Variants in SHISA9 observed in about 807,000 individuals in gnomAD.
The protein encoded by SHISA9 is protein shisa-9.
Under a neutral mutation model 38.0 loss-of-function variants are expected in SHISA9, and 13 were observed. That is an observed-to-expected ratio of 0.34 (90% CI 0.22 to 0.54). The LOEUF is 0.54. Ranked by LOEUF, SHISA9 falls within the 20% of genes least tolerant of loss-of-function variation. The pLI is 0.91. For synonymous variants in SHISA9, 275 were observed against 242.0 expected, an observed-to-expected ratio of 1.14 and a Z score of -1.27; for missense variants, 538 against 575.8, an observed-to-expected ratio of 0.93 and a Z score of 0.67.
intron 2 of SHISA9, among the ~76,000 whole-genome samples, chr16:13,072,635 C>A (rs1038690566): frequency 2.6e-5 from 4 of 152,040 alleles, no homozygotes; most frequent in Non-Finnish European, 4.4e-5. Flanking sequence ...AGTCTTATTT[C>A]CATTTTATTT....
the SHISA9 span, among the ~76,000 whole-genome samples, chr16:13,419,342 G>C: frequency 1.3e-5 from 2 of 152,204 alleles, no homozygotes; most frequent in African/African-American, 4.8e-5. Context: ...TTTGATCTGT[G>C]CTTTGGAAGG....
chr16:13,079,907 G>A (rs2073627738), intron 2 of SHISA9, among the ~76,000 whole-genome samples: 1 of 152,116 alleles, frequency 6.6e-6, no homozygotes, highest in African/African-American at 2.4e-5. Context: ...CCTTCTTGTG[G>A]TGTTAACACT....
chr16:13,233,478 G>C (rs2051351761), intron 4 of SHISA9, among the ~76,000 whole-genome samples: 1 of 152,172 alleles, frequency 6.6e-6, no homozygotes, highest in African/African-American at 2.4e-5. Context: ...CCAAATCAAA[G>C]GTCAGCAAAC....
chr16:12,916,678 C>A lies in SHISA9; in HGVS notation c.564-10C>A. The A allele has an allele frequency of 6.5e-7, 1 of 1,547,464 alleles. No homozygotes were observed. The highest frequency in any genetic ancestry group is 8.7e-7 in the Non-Finnish European group (1 of 1,145,640). ...TTGAATGAACAGATTTAAATTCTTT[C>A]TTCTTTCAGGGCCCTTGCGGATGTC... On this transcript the variant is annotated splice_polypyrimidine_tract_variant and intron_variant, in intron 1 of 4. Coordinates refer to ENST00000558583, the MANE Select transcript of SHISA9 (RefSeq NM_001145204.3).
the SHISA9 span, among the ~76,000 whole-genome samples, chr16:13,493,280 T>C: frequency 4.6e-5 from 7 of 152,274 alleles, no homozygotes; most frequent in South Asian, 1.2e-3. Flanking sequence ...CACAAAGCTA[T>C]TACAGATTTC....
At chr16:13,019,960 CCTCCTTCTTTCCTTCCT>C (rs2072828844) in intron 2 of SHISA9, among the ~76,000 whole-genome samples, 3 of 75,882 alleles carry the variant, frequency 4.0e-5, no homozygotes, top group African/African-American at 9.9e-5. Flanking sequence ...TCTTTCTTTC[CCTCCTTCTTTCCTTCCT>C]TCCTTCCTTC....
At chr16:13,413,270 C>G in the SHISA9 span, among the ~76,000 whole-genome samples, 10 of 152,202 alleles carry the variant, frequency 6.6e-5, no homozygotes, top group Admixed American at 2.0e-4. Flanking sequence ...CACAGCCTGT[C>G]ACTAAATTTA....
the SHISA9 span, among the ~76,000 whole-genome samples, chr16:13,349,399 A>G: frequency 6.6e-6 from 1 of 152,248 alleles, no homozygotes; most frequent in Non-Finnish European, 1.5e-5. Flanking sequence ...GACAGACTCT[A>G]GAGATGCGTA....
the SHISA9 span, among the ~76,000 whole-genome samples, chr16:13,250,664 T>C: frequency 1.3e-5 from 2 of 152,154 alleles, no homozygotes; most frequent in Admixed American, 1.3e-4. Flanking sequence ...CTTATATATA[T>C]AACAACAATA....
the SHISA9 span, among the ~76,000 whole-genome samples, chr16:13,494,586 A>G: frequency 1.2e-4 from 18 of 152,336 alleles, no homozygotes; most frequent in East Asian, 3.5e-3. Context: ...AGAAAATTCT[A>G]CAAGGCATCT....
chr16:13,561,894 T>C, the SHISA9 span, among the ~76,000 whole-genome samples: 1 of 151,854 alleles, frequency 6.6e-6, no homozygotes, highest in African/African-American at 2.4e-5. Context: ...AAGACAGCTG[T>C]ATTGGCTGGT....
intron 2 of SHISA9, among the ~76,000 whole-genome samples, chr16:13,010,281 T>C (rs896304570): frequency 6.6e-6 from 1 of 152,176 alleles, no homozygotes; most frequent in African/African-American, 2.4e-5. Flanking sequence ...TCTTTGCAGG[T>C]TGACATTAAG....
At chr16:12,973,783 A>G (rs1360381627) in intron 2 of SHISA9, among the ~76,000 whole-genome samples, 1 of 152,198 alleles carries the variant, frequency 6.6e-6, no homozygotes, top group Non-Finnish European at 1.5e-5. Flanking sequence ...CACAGTGGAA[A>G]GAGCACTGAA....
chr16:13,140,204 T>C (rs1596676105), intron 2 of SHISA9, among the ~76,000 whole-genome samples: 2 of 137,320 alleles, frequency 1.5e-5, no homozygotes, highest in South Asian at 5.3e-4. Flanking sequence ...TTAGACAGAG[T>C]CTTGCTCTGT....
At chr16:13,074,115 G>A (rs1295395510) in intron 2 of SHISA9, among the ~76,000 whole-genome samples, 5 of 151,632 alleles carry the variant, frequency 3.3e-5, no homozygotes, top group Admixed American at 6.6e-5. Context: ...AATTACAGGC[G>A]CCCGCCATCA....
the SHISA9 span, among the ~76,000 whole-genome samples, chr16:13,306,618 A>C: frequency 6.6e-6 from 1 of 152,234 alleles, no homozygotes; most frequent in Non-Finnish European, 1.5e-5. Context: ...TGGAGGATCC[A>C]CTTCCAAGAT....
At chr16:13,400,534 T>A in the SHISA9 span, among the ~76,000 whole-genome samples, 8 of 152,150 alleles carry the variant, frequency 5.3e-5, no homozygotes, top group African/African-American at 1.9e-4. Flanking sequence ...GTAAGCCACG[T>A]CCAGACAATG....
At chr16:13,443,101 A>G in the SHISA9 span, among the ~76,000 whole-genome samples, 1 of 152,198 alleles carries the variant, frequency 6.6e-6, no homozygotes, top group African/African-American at 2.4e-5. Flanking sequence ...CACTTCTTTT[A>G]TTTTGAGACA....
At chr16:13,061,016 G>A (rs75181318) in intron 2 of SHISA9, among the ~76,000 whole-genome samples, 7,854 of 152,186 alleles carry the variant, frequency 0.052, 296 homozygotes, top group East Asian at 0.18. Context: ...CATGGTATGG[G>A]GATCGGGGAC....
Sources: allele counts gnomAD v4.1 joint callset (sites outside exome capture counted in the v4.1 genomes callset), GRCh38; gene constraint gnomAD v4.1.1; transcripts MANE v1.5; gene names NCBI Gene and HGNC (gene_info 2026-07-23, HGNC 2026-07-21).